The following SDK1 variants were observed in gnomAD, a reference collection of about 807,000 sequenced individuals.
The protein encoded by SDK1 is protein sidekick-1.
SDK1 carries 157 observed loss-of-function variants against 245.5 expected under a neutral mutation model. The observed-to-expected ratio is 0.64, with a 90% confidence interval of 0.56 to 0.73. The LOEUF (loss-of-function observed/expected upper bound fraction) is 0.73, where lower values mean the gene tolerates loss of function less well. Among genes scored for constraint, SDK1 ranks in the 30% least tolerant of loss-of-function variants. The pLI is 0.00. For synonymous variants in SDK1, 1,647 were observed against 1,278.5 expected, an observed-to-expected ratio of 1.29 and a Z score of -6.15; for missense variants, 3,583 against 3,002.3, an observed-to-expected ratio of 1.19 and a Z score of -4.52.
At chr7:4,067,302 T>G (rs890848358) in intron 19 of SDK1, among the ~76,000 whole-genome samples, 2 of 152,214 alleles carry the variant, frequency 1.3e-5, no homozygotes, top group African/African-American at 4.8e-5. Context: ...AATTTGTTTT[T>G]GCTGGGATTT....
At chr7:4,089,523 G>A (rs1440279418) in intron 22 of SDK1, among the ~76,000 whole-genome samples, 12 of 152,178 alleles carry the variant, frequency 7.9e-5, no homozygotes. Flanking sequence ...AGAATGAACG[G>A]GGCAAGCTTC....
chr7:4,176,519 A>T (rs1185380965), intron 34 of SDK1, among the ~76,000 whole-genome samples: 1 of 152,162 alleles, frequency 6.6e-6, no homozygotes, highest in Non-Finnish European at 1.5e-5. Context: ...GGACCTTCTT[A>T]ACCATTTTTA....
Position 3,916,654 on chromosome 7 carries a change from G to C in SDK1, c.848-34269G>C, listed in dbSNP as rs188691306. Among the ~76,000 whole-genome samples, 244 of 152,256 alleles carry C rather than the reference G, an allele frequency of 1.6e-3. 4 individuals are homozygous for C. Among genetic ancestry groups the C allele is most frequent in the Non-Finnish European group, 2.8e-4 (19 of 68,000 alleles). On this transcript the variant is annotated intron_variant, in intron 5 of 44. Transcript: ENST00000404826. The stretch of plus-strand genomic sequence containing the variant: ...GTTTGCCTGTACTTTGCCTCTGTAT[G>C]TGTGTGTGTGCATTGCATTTCTAGG...
chr7:4,220,589 A>T (rs970094255), intron 39 of SDK1, among the ~76,000 whole-genome samples: 1 of 148,690 alleles, frequency 6.7e-6, no homozygotes, highest in East Asian at 2.0e-4. Flanking sequence ...AGAAAATTTT[A>T]AAGTTTTCCA....
chr7:3,785,890 T>C (rs1422364471), intron 4 of SDK1, among the ~76,000 whole-genome samples: 1 of 152,214 alleles, frequency 6.6e-6, no homozygotes, highest in Admixed American at 6.5e-5. Context: ...TTTTCCCCTA[T>C]GCAAAATAGT....
intron 8 of SDK1, 100 bp from the exon 9 acceptor site, chr7:3,962,557 C>A: frequency 1.9e-6 from 2 of 1,035,644 alleles, no homozygotes; most frequent in Non-Finnish European, 2.8e-6. Context: ...CAAGAAAATG[C>A]CTATTAAAAT....
intron 1 of SDK1, among the ~76,000 whole-genome samples, chr7:3,462,736 C>A (rs1443988131): frequency 6.6e-6 from 1 of 152,066 alleles, no homozygotes; most frequent in Admixed American, 6.6e-5. Flanking sequence ...TGATCTCTCC[C>A]CTCCTCTCTC....
rs535914519 is a variant in SDK1 at position 4,044,419 on chromosome 7, A to G, written c.2603-4929A>G. Among the ~76,000 whole-genome samples the G allele has an allele frequency of 3.3e-5, 5 of 152,154 alleles. No individual in the cohort carries two copies. The South Asian group carries it at 1.0e-3, about 32-fold the overall frequency. On this transcript the variant is annotated intron_variant, in intron 17 of 44. Coordinates refer to ENST00000404826, the MANE Select transcript of SDK1 (RefSeq NM_152744.4). ...ACATAGACACCACCTCTTCATGGGA[A>G]AAGTATCAAAGAATATGCAGCATTT...
intron 5 of SDK1, among the ~76,000 whole-genome samples, chr7:3,854,800 G>C (rs1462185266): frequency 6.6e-6 from 1 of 152,066 alleles, no homozygotes; most frequent in East Asian, 1.9e-4. Context: ...AAAAAAGATA[G>C]GTACATAGAT....
Position 3,837,508 on chromosome 7 carries a change from C to G in SDK1, c.847+15925C>G, listed in dbSNP as rs544361876. Among the ~76,000 whole-genome samples, 8 of 152,282 alleles carry G rather than the reference C, an allele frequency of 5.3e-5. No individual in the cohort carries two copies. The East Asian group carries it at 1.5e-3, about 29-fold the overall frequency. On this transcript the variant is annotated intron_variant, in intron 5 of 44. Transcript: ENST00000404826. ...AAGATATTGCATTTTGAAAGCAACTCTAGGGGCAGATGTTTTTGGATGAGA... is the reference window on the plus strand; with the variant it reads ...AAGATATTGCATTTTGAAAGCAACTGTAGGGGCAGATGTTTTTGGATGAGA...
chr7:3,903,502 A>C (rs1013977888), intron 5 of SDK1, among the ~76,000 whole-genome samples: 2 of 152,074 alleles, frequency 1.3e-5, no homozygotes, highest in African/African-American at 4.8e-5. Flanking sequence ...GATACATTTT[A>C]ACCCTTATAC....
At chr7:3,628,292 A>G (rs1044430306) in intron 2 of SDK1, among the ~76,000 whole-genome samples, 10 of 152,222 alleles carry the variant, frequency 6.6e-5, no homozygotes, top group Middle Eastern at 3.4e-3. Context: ...TTCTTTCAAG[A>G]TAGAATCTTG....
At chr7:3,740,433 T>C (rs946001790) in intron 4 of SDK1, among the ~76,000 whole-genome samples, 4 of 152,210 alleles carry the variant, frequency 2.6e-5, no homozygotes. Flanking sequence ...CAGGGAACTG[T>C]GATATTGAGC....
At chr7:3,534,979 C>T (rs1045665298) in intron 1 of SDK1, among the ~76,000 whole-genome samples, 19 of 152,102 alleles carry the variant, frequency 1.2e-4, no homozygotes, top group Non-Finnish European at 2.4e-4. Context: ...CAGCCTTCCC[C>T]GTGGGCTGTG....
intron 20 of SDK1, among the ~76,000 whole-genome samples, chr7:4,074,884 C>CTCTCTCTCTCTCTGTG (rs1377225405): frequency 1.6e-5 from 1 of 62,490 alleles, no homozygotes; most frequent in African/African-American, 1.2e-4. Context: ...CTCTCTCTCT[C>CTCTCTCTCTCTCTGTG]TGTATATATA....
At chr7:4,045,160 T>C (rs1043493615) in intron 17 of SDK1, among the ~76,000 whole-genome samples, 1 of 152,194 alleles carries the variant, frequency 6.6e-6, no homozygotes, top group Non-Finnish European at 1.5e-5. Flanking sequence ...ACAGTTTGTT[T>C]CCCATCCATT....
At position 3,342,536 on chromosome 7, in the gene SDK1, C is replaced by T. The variant is rs184435819; in HGVS notation, c.298+40652C>T. Reference sequence around the variant, plus strand: ...CCAGGAGGTGGAGGTTGCGGTGAGCCGAGATCGCATCGTTGCACTCCAGCC... The same window carrying T: ...CCAGGAGGTGGAGGTTGCGGTGAGCTGAGATCGCATCGTTGCACTCCAGCC... On this transcript the variant is annotated intron_variant, in intron 1 of 44. Coordinates refer to ENST00000404826, the MANE Select transcript of SDK1 (RefSeq NM_152744.4). Among the ~76,000 whole-genome samples, 4 of 151,780 alleles carry T rather than the reference C, an allele frequency of 2.6e-5. No individual in the cohort carries two copies. In the East Asian group the frequency reaches 5.8e-4, roughly 22 times the overall value.
chr7:3,632,336 G>T (rs559576481), intron 2 of SDK1, among the ~76,000 whole-genome samples: 1 of 152,136 alleles, frequency 6.6e-6, no homozygotes, highest in African/African-American at 2.4e-5. Flanking sequence ...TCACATAAAC[G>T]GGAATCCCAG....
chr7:3,403,859 A>ATTT (rs72032537), intron 1 of SDK1, among the ~76,000 whole-genome samples: 6 of 104,136 alleles, frequency 5.8e-5, no homozygotes, highest in African/African-American at 2.7e-4. Context: ...ATATATATAT[A>ATTT]TATATATATA....
Sources: gnomAD v4.1 joint callset for allele counts (sites outside exome capture counted in the v4.1 genomes callset) on GRCh38, gnomAD v4.1.1 for gene constraint, MANE v1.5 for transcripts, NCBI Gene and HGNC (gene_info 2026-07-23, HGNC 2026-07-21) for gene names.